DHRSX: variants seen among roughly 807,000 people sequenced by gnomAD.
DHRSX encodes the protein polyprenol dehydrogenase.
In DHRSX, 31 loss-of-function variants were observed where a neutral mutation model predicts 34.0. The observed-to-expected ratio is 0.91, with a 90% CI of 0.69 to 1.23. The LOEUF (loss-of-function observed/expected upper bound fraction) is 1.23, where lower values mean the gene tolerates loss of function less well. DHRSX is among the 50% of genes most tolerant of loss of function. The pLI, the probability that DHRSX is intolerant of heterozygous loss-of-function variation, is 0.00. For synonymous variants in DHRSX, 201 were observed against 183.8 expected (o/e 1.09, Z -0.76); for missense variants, 414 against 428.1 (o/e 0.97, Z 0.29).
intron 1 of DHRSX, among the ~76,000 whole-genome samples, chrX:2,457,493 C>T (rs1346413413): frequency 2.7e-5 from 4 of 150,412 alleles, no homozygotes; most frequent in Admixed American, 6.6e-5. Flanking sequence ...AAGATGCAGC[C>T]AAGGGACAGC....
intron 1 of DHRSX, among the ~76,000 whole-genome samples, chrX:2,474,874 G>T (rs1032771844): frequency 6.6e-6 from 1 of 150,752 alleles, no homozygotes; most frequent in African/African-American, 2.4e-5. Flanking sequence ...CACTTAAGAC[G>T]TTCCCTAAGA....
intron 3 of DHRSX, among the ~76,000 whole-genome samples, chrX:2,395,836 C>T (rs1323690654): frequency 1.3e-5 from 2 of 152,160 alleles, no homozygotes; most frequent in Admixed American, 6.5e-5. Flanking sequence ...CCATGTCACA[C>T]AGCTGTAGTA....
At chrX:2,331,451 T>C (rs866047531) in intron 3 of DHRSX, among the ~76,000 whole-genome samples, 58 of 138,152 alleles carry the variant, frequency 4.2e-4, no homozygotes, top group Middle Eastern at 3.6e-3. Flanking sequence ...TTTTTTTTTT[T>C]TTTTTTTTTT....
At chrX:2,388,443 A>C (rs2043297183) in intron 3 of DHRSX, among the ~76,000 whole-genome samples, 1 of 152,138 alleles carries the variant, frequency 6.6e-6, no homozygotes, top group African/African-American at 2.4e-5. Flanking sequence ...ATGAGGACAC[A>C]GACACACACA....
chrX:2,287,376 G>T (rs2041815965), intron 4 of DHRSX, among the ~76,000 whole-genome samples: 1 of 152,028 alleles, frequency 6.6e-6, no homozygotes, highest in African/African-American at 2.4e-5. Flanking sequence ...TCCTCATGTG[G>T]AAGACAGAAT....
chrX:2,340,874 G>C (rs2124562065), intron 3 of DHRSX, among the ~76,000 whole-genome samples: 1 of 152,156 alleles, frequency 6.6e-6, no homozygotes, highest in East Asian at 1.9e-4. Context: ...TTCCCAATGG[G>C]ACCTATGAAA....
chrX:2,488,706 C>T (rs1475951311), intron 1 of DHRSX: 10 of 1,613,912 alleles, frequency 6.2e-6, no homozygotes, highest in South Asian at 1.1e-5. Flanking sequence ...AACACCTGCT[C>T]CTGGTCCAGG....
intron 1 of DHRSX, among the ~76,000 whole-genome samples, chrX:2,470,952 T>C (rs889354097): frequency 5.9e-5 from 9 of 152,258 alleles, no homozygotes; most frequent in South Asian, 4.1e-4. Context: ...AATGTTAATA[T>C]GTTAATTAGC....
chrX:2,255,592 AAT>A (rs2041265793), intron 5 of DHRSX, among the ~76,000 whole-genome samples: 1 of 152,126 alleles, frequency 6.6e-6, no homozygotes, highest in South Asian at 2.1e-4. Flanking sequence ...GTCAGAGTGA[AAT>A]AAAGAATTTC....
intron 6 of DHRSX, among the ~76,000 whole-genome samples, chrX:2,229,068 G>A (rs1043576204): frequency 1.6e-4 from 24 of 152,294 alleles, no homozygotes; most frequent in African/African-American, 5.3e-4. Context: ...AGGCTCGTTC[G>A]CCTTCTGGAA....
intron 3 of DHRSX, among the ~76,000 whole-genome samples, chrX:2,377,349 G>C (rs758284890): frequency 6.6e-6 from 1 of 151,618 alleles, no homozygotes; most frequent in Non-Finnish European, 1.5e-5. Flanking sequence ...GGTCCCATCC[G>C]GGGGGTGATG....
At chrX:2,245,006 G>A (rs745743698) in intron 5 of DHRSX, among the ~76,000 whole-genome samples, 1 of 152,034 alleles carries the variant, frequency 6.6e-6, no homozygotes, top group Admixed American at 6.6e-5. Flanking sequence ...CACTGTGCCC[G>A]GCCTAATTTT....
At chrX:2,493,356 T>C (rs945306279) in intron 1 of DHRSX, among the ~76,000 whole-genome samples, 2 of 152,050 alleles carry the variant, frequency 1.3e-5, no homozygotes, top group African/African-American at 4.8e-5. Flanking sequence ...CTGAAACAGG[T>C]TTTGGTAATT....
intron 5 of DHRSX, among the ~76,000 whole-genome samples, chrX:2,262,380 G>A (rs1450893309): frequency 6.6e-6 from 1 of 152,138 alleles, no homozygotes; most frequent in African/African-American, 2.4e-5. Flanking sequence ...GTGCACACGA[G>A]CACTCACGCA....
intron 3 of DHRSX, among the ~76,000 whole-genome samples, chrX:2,332,322 C>T (rs756424653): frequency 7.9e-5 from 12 of 152,150 alleles, no homozygotes; most frequent in East Asian, 5.8e-4. Context: ...GCAGAGATTA[C>T]GCTGGAGAAA....
At chrX:2,227,590 AAAAG>A (rs1441099111) in intron 6 of DHRSX, among the ~76,000 whole-genome samples, 12 of 133,746 alleles carry the variant, frequency 9.0e-5, no homozygotes, top group African/African-American at 3.2e-4. Context: ...GAAGGATGAA[AAAAG>A]AAAAAAAAAC....
At position 2,224,661 on chromosome X, in the gene DHRSX, C is replaced by T. The variant is rs192354819; in HGVS notation, c.805-3432G>A. Among the ~76,000 whole-genome samples the T allele has an allele frequency of 3.7e-4, 56 of 151,914 alleles. 1 individual carries two copies. In the East Asian group the frequency reaches 9.8e-3, roughly 27 times the overall value. Reference sequence around the variant, plus strand: ...GGTCACTTACATGCTGACATGCACACATACATTCGTATGTACTCACATGCA... The same window carrying T: ...GGTCACTTACATGCTGACATGCACATATACATTCGTATGTACTCACATGCA... On this transcript the variant is annotated intron_variant, in intron 6 of 6. Transcript: ENST00000334651.
At chrX:2,297,466 T>C (rs771410033) in intron 3 of DHRSX, among the ~76,000 whole-genome samples, 7 of 152,242 alleles carry the variant, frequency 4.6e-5, no homozygotes, top group African/African-American at 1.4e-4. Flanking sequence ...TAAATGACGG[T>C]ATCCTCCACT....
chrX:2,255,217 T>G (rs1359125309), intron 5 of DHRSX, among the ~76,000 whole-genome samples: 2 of 152,096 alleles, frequency 1.3e-5, no homozygotes, highest in Non-Finnish European at 2.9e-5. Context: ...CTTTTTCCGC[T>G]AAGAGAAAAC....
Sources: gnomAD v4.1 joint callset for allele counts (sites outside exome capture counted in the v4.1 genomes callset) on GRCh38, gnomAD v4.1.1 for gene constraint, MANE v1.5 for transcripts, NCBI Gene and HGNC (gene_info 2026-07-23, HGNC 2026-07-21) for gene names.